Variants in RASGRP1 observed in about 807,000 individuals in gnomAD.
RASGRP1 encodes RAS guanyl releasing protein 1.
Under a neutral mutation model 95.1 loss-of-function variants are expected in RASGRP1, and 37 were observed. That is an observed-to-expected ratio of 0.39 (90% CI 0.30 to 0.51). RASGRP1 has a LOEUF of 0.51. Ranked by LOEUF, RASGRP1 falls within the 20% of genes least tolerant of loss-of-function variation. The pLI is 0.80. For synonymous variants in RASGRP1, 325 were observed against 353.4 expected, an observed-to-expected ratio of 0.92 and a Z score of 0.90; for missense variants, 711 against 965.4, an observed-to-expected ratio of 0.74 and a Z score of 3.49.
chr15:38,550,984 G>C (rs1893319202), intron 2 of RASGRP1, among the ~76,000 whole-genome samples: 1 of 152,200 alleles, frequency 6.6e-6, no homozygotes, highest in Admixed American at 6.5e-5. Context: ...TTATAAAATA[G>C]TGGGAACTAA....
chr15:38,524,822 G>A (rs114912916), intron 3 of RASGRP1, among the ~76,000 whole-genome samples: 207 of 152,156 alleles, frequency 1.4e-3, no homozygotes, highest in African/African-American at 5.0e-3. Context: ...AAGAGGTAGA[G>A]TTTAAAAGTA....
intron 9 of RASGRP1, among the ~76,000 whole-genome samples, chr15:38,506,654 A>C (rs1891269734): frequency 6.6e-6 from 1 of 151,630 alleles, no homozygotes; most frequent in African/African-American, 2.4e-5. Flanking sequence ...AAAAAAAAAA[A>C]AAAATAGTGA....
chr15:38,542,596 T>C (rs1478853743), intron 2 of RASGRP1, among the ~76,000 whole-genome samples: 1 of 151,112 alleles, frequency 6.6e-6, no homozygotes, highest in African/African-American at 2.4e-5. Context: ...CAGTGAAGTC[T>C]TTCGCCTGTT....
chr15:38,530,049 T>C (rs1892378194), intron 2 of RASGRP1, among the ~76,000 whole-genome samples: 1 of 152,244 alleles, frequency 6.6e-6, no homozygotes, highest in Non-Finnish European at 1.5e-5. Flanking sequence ...TAATTATTTC[T>C]TGCCACAAAA....
In RASGRP1 at chr15:38,511,665, C is replaced by T; in HGVS notation, c.905G>A (p.Cys302Tyr). ...NTLMAVIGGLCHSSISRLKET... is the reference protein window; with the variant it reads ...NTLMAVIGGLYHSSISRLKET... The stretch of plus-strand genomic sequence containing the variant: ...CTTGAGCCTCGAGATTGAGCTGTGA[C>T]ACAGCCCACCTATCACAGCCATCAG... The change falls in exon 8 of 17, where the codon TGT becomes TAT. Residue 302 changes from cysteine (C) to tyrosine (Y), a missense_variant. Cys to Tyr is a radical substitution (Grantham distance 194). Transcript: ENST00000310803. 6.2e-7 allele frequency: 1 copy of T among 1,613,658 alleles called. No homozygotes were observed. The highest frequency in any genetic ancestry group is 1.3e-5 in the African/African-American group (1 of 75,022).
At chr15:38,539,727 C>T (rs1201869408) in intron 2 of RASGRP1, among the ~76,000 whole-genome samples, 1 of 152,026 alleles carries the variant, frequency 6.6e-6, no homozygotes, top group Admixed American at 6.5e-5. Context: ...CCCGCTCCTC[C>T]CACCCCACAA....
At chr15:38,534,822 G>C (rs891629166) in intron 2 of RASGRP1, among the ~76,000 whole-genome samples, 2 of 152,222 alleles carry the variant, frequency 1.3e-5, no homozygotes, top group Non-Finnish European at 2.9e-5. Context: ...AAGAACCCAT[G>C]CTTCCTGCCT....
At chr15:38,516,105 C>A (rs1162607779) in intron 6 of RASGRP1, 92 bp downstream of exon 6, 4 of 1,433,042 alleles carry the variant, frequency 2.8e-6, no homozygotes, top group Non-Finnish European at 3.8e-6. Flanking sequence ...GAGGGGGCCT[C>A]TAAGGTTATG....
At chr15:38,512,681 A>G in intron 7 of RASGRP1, 102 bp downstream of exon 7, 1 of 1,413,052 alleles carries the variant, frequency 7.1e-7, no homozygotes. Flanking sequence ...GCCATGGTTC[A>G]GGAGGGAAAA....
intron 7 of RASGRP1, among the ~76,000 whole-genome samples, 172 bp downstream of exon 7, chr15:38,512,611 G>A (rs1891580476): frequency 6.6e-6 from 1 of 152,180 alleles, no homozygotes; most frequent in South Asian, 2.1e-4. Context: ...TTGTATGGAA[G>A]AAGAGACAAG....
chr15:38,518,220 CCAACAAG>C, intron 5 of RASGRP1, 65 bp downstream of exon 5: 1 of 1,488,050 alleles, frequency 6.7e-7, no homozygotes, highest in Non-Finnish European at 9.2e-7. Flanking sequence ...GGTCAGAAGC[CCAACAAG>C]CAACTGGGAT....
intron 15 of RASGRP1, among the ~76,000 whole-genome samples, chr15:38,496,020 T>TA (rs1231539064): frequency 2.0e-5 from 3 of 152,108 alleles, no homozygotes; most frequent in Non-Finnish European, 4.4e-5. Flanking sequence ...AGAAAGCCCT[T>TA]AAAATTGCAG....
intron 10 of RASGRP1, among the ~76,000 whole-genome samples, chr15:38,505,432 C>T (rs1891213933): frequency 6.6e-6 from 1 of 152,156 alleles, no homozygotes; most frequent in African/African-American, 2.4e-5. Context: ...ATATTACTCT[C>T]ATTATCATCA....
chr15:38,528,338 CT>C (rs1892309298), intron 2 of RASGRP1, among the ~76,000 whole-genome samples: 1 of 152,164 alleles, frequency 6.6e-6, no homozygotes, highest in African/African-American at 2.4e-5. Context: ...TTATCAGTTT[CT>C]TTTCTCCCAT....
chr15:38,511,658 G>C lies in RASGRP1; in HGVS notation c.912C>G (p.Ser304Arg). The change falls in exon 8 of 17, where the codon AGC (serine) becomes AGG (arginine). Residue 304 changes from serine (S) to arginine (R), a missense_variant. Around this residue, in one of 3 missense-constraint regions of RASGRP1, gnomAD observed 491 missense variants for 676.6 expected, o/e 0.73. Coordinates refer to ENST00000310803, the MANE Select transcript of RASGRP1 (RefSeq NM_005739.4). ...LMAVIGGLCH[S>R]SISRLKETSS... ...TTGTCTCCTTGAGCCTCGAGATTGA[G>C]CTGTGACACAGCCCACCTATCACAG... 6.2e-7 allele frequency: 1 copy of C among 1,613,676 alleles called. No individual in the cohort carries two copies. Among genetic ancestry groups the C allele is most frequent in the Non-Finnish European group, 8.5e-7 (1 of 1,179,660 alleles).
chr15:38,519,244 T>C, intron 4 of RASGRP1, 65 bp downstream of exon 4: 1 of 1,365,398 alleles, frequency 7.3e-7, no homozygotes, highest in Non-Finnish European at 1.0e-6. Context: ...GCAGGGAAAG[T>C]CCCTTGCTTC....
intron 2 of RASGRP1, among the ~76,000 whole-genome samples, chr15:38,538,690 T>C (rs1595869758): frequency 6.6e-6 from 1 of 152,338 alleles, no homozygotes; most frequent in South Asian, 2.1e-4. Flanking sequence ...TGCCTGGCTC[T>C]GGGATGGCCC....
chr15:38,513,550 C>T (rs1005355805), intron 6 of RASGRP1, among the ~76,000 whole-genome samples: 1 of 152,216 alleles, frequency 6.6e-6, no homozygotes, highest in Non-Finnish European at 1.5e-5. Flanking sequence ...TTTCCTTCTA[C>T]TCACCAACTG....
Position 38,494,496 on chromosome 15 carries a change from G to T in RASGRP1, c.2145C>A (p.Ser715Arg). Residue 715 changes from serine (S) to arginine (R), a missense_variant, in exon 16 of 17, where the codon AGC becomes AGA. Physicochemically the swap from Ser to Arg is moderately radical, Grantham distance 110. Around this residue, in one of 3 missense-constraint regions of RASGRP1, gnomAD observed 212 missense variants for 247.8 expected, o/e 0.86. Transcript: ENST00000310803. Reference sequence around the variant, plus strand: ...AAGCCCGCTTTCTGACCAAGACTGGGCTAGGACATGGAGAGGTGGGACTGG... The same window carrying T: ...AAGCCCGCTTTCTGACCAAGACTGGTCTAGGACATGGAGAGGTGGGACTGG... The part of the protein sequence containing the change: ...VLPSPTSPCP[S>R]PVLVRKRAFV... 6.2e-7 allele frequency: 1 copy of T among 1,606,968 alleles called. No individual in the cohort carries two copies. Among genetic ancestry groups the T allele is most frequent in the Non-Finnish European group, 8.5e-7 (1 of 1,176,502 alleles).
Sources: gnomAD v4.1 joint callset for allele counts (sites outside exome capture counted in the v4.1 genomes callset) on GRCh38, gnomAD v4.1.1 for gene constraint, gnomAD v4.1.1 regional missense constraint, MANE v1.5 for transcripts, NCBI Gene and HGNC (gene_info 2026-07-23, HGNC 2026-07-21) for gene names.